ANKRD13C: variants seen among roughly 807,000 people sequenced by gnomAD.
The protein encoded by ANKRD13C is ankyrin repeat domain 13C.
ANKRD13C carries 16 observed loss-of-function variants against 65.5 expected under a neutral mutation model. The observed-to-expected ratio is 0.24, with a 90% CI of 0.17 to 0.37. ANKRD13C has a LOEUF of 0.37. Among genes scored for constraint, ANKRD13C ranks in the 10% least tolerant of loss-of-function variants. The pLI, the probability that ANKRD13C is intolerant of heterozygous loss-of-function variation, is 1.00. For synonymous variants in ANKRD13C, 235 were observed against 238.7 expected (o/e 0.98, Z 0.14); for missense variants, 503 against 655.9 (o/e 0.77, Z 2.55).
chr1:70,280,114 T>C (rs888502664), intron 9 of ANKRD13C, among the ~76,000 whole-genome samples: 1 of 152,302 alleles, frequency 6.6e-6, no homozygotes, highest in Non-Finnish European at 1.5e-5. Context: ...CAGAGTTTTT[T>C]AGTATCAGGC....
intron 3 of ANKRD13C, among the ~76,000 whole-genome samples, chr1:70,320,851 G>A (rs1275752935): frequency 4.0e-5 from 6 of 151,162 alleles, no homozygotes; most frequent in East Asian, 2.0e-4. Context: ...GTGCAGTGGC[G>A]TGATCTCAGC....
chr1:70,268,212 C>T (rs1678718994), intron 12 of ANKRD13C, among the ~76,000 whole-genome samples: 1 of 152,006 alleles, frequency 6.6e-6, no homozygotes, highest in African/African-American at 2.4e-5. Flanking sequence ...TCTTGTTGCC[C>T]AGGCTGGAGT....
chr1:70,343,393 G>A (rs1197008504), intron 1 of ANKRD13C, among the ~76,000 whole-genome samples: 1 of 152,000 alleles, frequency 6.6e-6, no homozygotes, highest in Non-Finnish European at 1.5e-5. Context: ...ATTACACAAA[G>A]GATAATAAAA....
At chr1:70,312,833 G>A (rs1680906749) in intron 5 of ANKRD13C, among the ~76,000 whole-genome samples, 1 of 151,706 alleles carries the variant, frequency 6.6e-6, no homozygotes, top group Non-Finnish European at 1.5e-5. Flanking sequence ...ATTTGGATAT[G>A]AAAGTTTTCT....
At chr1:70,277,284 C>G (rs561035831) in intron 9 of ANKRD13C, among the ~76,000 whole-genome samples, 32 of 152,060 alleles carry the variant, frequency 2.1e-4, no homozygotes, top group African/African-American at 7.7e-4. Flanking sequence ...GGTGAAACCC[C>G]GTCTTTACTA....
At position 70,319,460 on chromosome 1, in the gene ANKRD13C, A is replaced by T. The variant is rs952954276; in HGVS notation, c.578-3894T>A. Reference sequence around the variant, plus strand: ...GTCTCTACTAAAAATACAAAAAATTAGCTGGGTGTGGTGGCGGGTGCCTGT... The same window carrying T: ...GTCTCTACTAAAAATACAAAAAATTTGCTGGGTGTGGTGGCGGGTGCCTGT... On this transcript the variant is annotated intron_variant, in intron 3 of 12. Coordinates refer to ENST00000370944, the MANE Select transcript of ANKRD13C (RefSeq NM_030816.5). 3.9e-5 allele frequency among the ~76,000 whole-genome samples: 6 copies of T among 152,044 alleles called. No individual in the cohort carries two copies. The East Asian group carries it at 9.6e-4, about 24-fold the overall frequency.
intron 3 of ANKRD13C, among the ~76,000 whole-genome samples, chr1:70,322,628 CT>C (rs1047774046): frequency 2.0e-5 from 3 of 152,150 alleles, no homozygotes; most frequent in Admixed American, 6.5e-5. Flanking sequence ...GAGACCAGGT[CT>C]TTTATTCTCC....
At chr1:70,282,720 T>C (rs1462933395) in intron 9 of ANKRD13C, among the ~76,000 whole-genome samples, 1 of 152,192 alleles carries the variant, frequency 6.6e-6, no homozygotes, top group East Asian at 1.9e-4. Context: ...TCTAGTGATA[T>C]GCTAGAAAGC....
At chr1:70,268,315 AC>A (rs1309282382) in intron 12 of ANKRD13C, among the ~76,000 whole-genome samples, 1 of 151,870 alleles carries the variant, frequency 6.6e-6, no homozygotes, top group Non-Finnish European at 1.5e-5. Context: ...GATTACAGGT[AC>A]CCGCCACCAC....
intron 11 of ANKRD13C, among the ~76,000 whole-genome samples, chr1:70,272,838 A>T (rs191270662): frequency 1.3e-5 from 2 of 151,954 alleles, no homozygotes; most frequent in African/African-American, 4.8e-5. Context: ...AAATACAGAA[A>T]TTATCCAGGC....
At chr1:70,305,513 T>C (rs1558287444) in intron 6 of ANKRD13C, among the ~76,000 whole-genome samples, 1 of 152,040 alleles carries the variant, frequency 6.6e-6, no homozygotes, top group Non-Finnish European at 1.5e-5. Context: ...TATATACATG[T>C]ATACTATTTA....
At chr1:70,320,658 T>C (rs897339607) in intron 3 of ANKRD13C, among the ~76,000 whole-genome samples, 2 of 152,190 alleles carry the variant, frequency 1.3e-5, no homozygotes, top group African/African-American at 2.4e-5. Context: ...CTTTGAGTGA[T>C]ATTATTTTCT....
chr1:70,295,351 G>A (rs1313759611), intron 8 of ANKRD13C, among the ~76,000 whole-genome samples: 1 of 151,822 alleles, frequency 6.6e-6, no homozygotes, highest in Non-Finnish European at 1.5e-5. Flanking sequence ...GGGTTCAAGC[G>A]ATTCTCCTGC....
Position 70,300,755 on chromosome 1 carries a change from C to A in ANKRD13C, c.921+9G>T. ...ATTTAAAGGAATATTGATAAGACAACATGCTCACCTCATGATGTATTCGCT... is the reference window on the plus strand; with the variant it reads ...ATTTAAAGGAATATTGATAAGACAAAATGCTCACCTCATGATGTATTCGCT... On this transcript the variant is annotated intron_variant, in intron 7 of 12. Transcript: ENST00000370944. The A allele has an allele frequency of 1.3e-6, 2 of 1,582,094 alleles. No individual in the cohort carries two copies. Among genetic ancestry groups the A allele is most frequent in the South Asian group, 2.3e-5 (2 of 85,370 alleles).
At chr1:70,337,346 G>A (rs1366466728) in intron 1 of ANKRD13C, among the ~76,000 whole-genome samples, 1 of 151,446 alleles carries the variant, frequency 6.6e-6, no homozygotes, top group Non-Finnish European at 1.5e-5. Flanking sequence ...CTTTGGGAAA[G>A]TGGCAGGCAG....
intron 1 of ANKRD13C, among the ~76,000 whole-genome samples, chr1:70,343,574 C>T (rs1682400402): frequency 6.6e-6 from 1 of 152,124 alleles, no homozygotes; most frequent in South Asian, 2.1e-4. Flanking sequence ...TTGTTTGTGA[C>T]AAAGTCTCTC....
chr1:70,349,187 A>G (rs974325077), intron 1 of ANKRD13C, among the ~76,000 whole-genome samples: 4 of 152,338 alleles, frequency 2.6e-5, no homozygotes, highest in Non-Finnish European at 4.4e-5. Context: ...ATCCTTTGCC[A>G]AACTATCAAT....
rs1323706559 is a variant in ANKRD13C, at chr1:70,261,736, G to T, written c.*981C>A. ...TATTTTGAAAGGATTAAATATGTAGGGTTGTCCAAAATATGTGTATTGTTT... is the reference window on the plus strand; with the variant it reads ...TATTTTGAAAGGATTAAATATGTAGTGTTGTCCAAAATATGTGTATTGTTT... On this transcript the variant is annotated 3_prime_UTR_variant, in exon 13 of 13. Coordinates refer to ENST00000370944, the MANE Select transcript of ANKRD13C (RefSeq NM_030816.5). The T allele has an allele frequency of 6.6e-6, 1 of 152,322 alleles. No individual in the cohort carries two copies. Among genetic ancestry groups the T allele is most frequent in the African/African-American group, 2.4e-5 (1 of 41,362 alleles). The allele number at this position is 152,322 out of a possible 1,614,324, so 9.4% of individuals were successfully genotyped here.
rs185867005 is a variant in ANKRD13C at position 70,300,956 on chromosome 1, A to G, written c.777-48T>C. The G allele has an allele frequency of 2.4e-5, 37 of 1,554,884 alleles. No homozygotes were observed. The African/African-American group carries it at 4.6e-4, about 19-fold the overall frequency. ...AAACTCTGACAAATATAATTTTGAT[A>G]AAACTTCACTAATAATTAAATAAGC... On this transcript the variant is annotated intron_variant, in intron 6 of 12. Transcript: ENST00000370944.
Sources: allele counts gnomAD v4.1 joint callset (sites outside exome capture counted in the v4.1 genomes callset), GRCh38; gene constraint gnomAD v4.1.1; transcripts MANE v1.5; gene names NCBI Gene and HGNC (gene_info 2026-07-23, HGNC 2026-07-21).